The following GATA4 variants were observed in gnomAD, a reference collection of about 807,000 sequenced individuals.
GATA4 encodes the protein GATA binding protein 4.
GATA4 carries 7 observed loss-of-function variants against 37.9 expected under a neutral mutation model. The observed-to-expected ratio is 0.18, with a 90% confidence interval of 0.11 to 0.35. The LOEUF (loss-of-function observed/expected upper bound fraction) is 0.35. Ranked by LOEUF, GATA4 falls within the 10% of genes least tolerant of loss-of-function variation. GATA4 has a pLI of 1.00. For synonymous variants in GATA4, 372 were observed against 292.6 expected (o/e 1.27, Z -2.77); for missense variants, 647 against 653.0 (o/e 0.99, Z 0.10).
chr8:11,730,506 G>A (rs1343462693), intron 2 of GATA4, among the ~76,000 whole-genome samples: 6 of 152,198 alleles, frequency 3.9e-5, no homozygotes, highest in African/African-American at 4.8e-5. Context: ...TATTTGTACT[G>A]TTCTGGTCAG....
intron 1 of GATA4, among the ~76,000 whole-genome samples, chr8:11,680,348 G>A (rs1798917360): frequency 6.6e-6 from 1 of 152,236 alleles, no homozygotes; most frequent in South Asian, 2.1e-4. Flanking sequence ...CCTGGAGCCG[G>A]GGAATCTCTG....
intron 4 of GATA4, among the ~76,000 whole-genome samples, chr8:11,753,313 A>T (rs1417166847): frequency 1.3e-5 from 2 of 152,160 alleles, no homozygotes; most frequent in African/African-American, 4.8e-5. Flanking sequence ...GGCTAGGGAA[A>T]GGGGGAATGA....
chr8:11,736,163 A>G (rs1227203678), intron 2 of GATA4, among the ~76,000 whole-genome samples: 1 of 151,786 alleles, frequency 6.6e-6, no homozygotes, highest in Non-Finnish European at 1.5e-5. Flanking sequence ...CTCCGACCTC[A>G]CAAAGGGCTG....
At chr8:11,751,977 C>T (rs1393485336) in intron 4 of GATA4, among the ~76,000 whole-genome samples, 2 of 152,138 alleles carry the variant, frequency 1.3e-5, no homozygotes, top group Non-Finnish European at 2.9e-5. Flanking sequence ...TACATGATGA[C>T]CTTTGAACCA....
intron 4 of GATA4, 24 bp from the exon 5 acceptor site, chr8:11,755,022 A>G (rs368329519): frequency 8.2e-6 from 13 of 1,584,446 alleles, no homozygotes; most frequent in South Asian, 4.4e-5. Context: ...GGAAAACCCT[A>G]TATATTTACT....
intron 2 of GATA4, among the ~76,000 whole-genome samples, chr8:11,716,483 A>G (rs559776824): frequency 1.3e-5 from 2 of 152,346 alleles, no homozygotes; most frequent in Non-Finnish European, 2.9e-5. Context: ...GATCAAAACC[A>G]TCCTCAGTGG....
At chr8:11,705,431 A>G (rs985217127) in intron 1 of GATA4, among the ~76,000 whole-genome samples, 1 of 152,180 alleles carries the variant, frequency 6.6e-6, no homozygotes, top group African/African-American at 2.4e-5. Context: ...CTATAAAGGG[A>G]CGGGGACTTT....
chr8:11,732,866 AT>A (rs1184560066), intron 2 of GATA4, among the ~76,000 whole-genome samples: 1 of 152,220 alleles, frequency 6.6e-6, no homozygotes, highest in Non-Finnish European at 1.5e-5. Context: ...ACTGCCGAAT[AT>A]AATATAAATC....
intron 2 of GATA4, among the ~76,000 whole-genome samples, chr8:11,718,928 T>A (rs1800549816): frequency 1.3e-5 from 2 of 152,316 alleles, no homozygotes; most frequent in South Asian, 4.1e-4. Flanking sequence ...ATTGACCCAT[T>A]CCGAGCAGGT....
Position 11,751,227 on chromosome 8 carries a change from C to G in GATA4, c.912+991C>G, listed in dbSNP as rs150229320. Among the ~76,000 whole-genome samples, 732 of 152,280 alleles carry G rather than the reference C, an allele frequency of 4.8e-3. 7 individuals carry two copies. Among genetic ancestry groups the G allele is most frequent in the African/African-American group, 0.017 (710 of 41,548 alleles). On this transcript the variant is annotated intron_variant, in intron 4 of 6. Transcript: ENST00000532059. ...TTTCCAGAATTACAAGGAGCTTCTA[C>G]AAAGCTCTTTAATTTTTATTGGAAC...
intron 1 of GATA4, chr8:11,683,197 A>C (rs1799031037): frequency 1.1e-6 from 1 of 897,270 alleles, no homozygotes; most frequent in Non-Finnish European, 1.3e-6. Context: ...GGAACAATCC[A>C]TTAGACCTCA....
chr8:11,758,171 C>T (rs746393535), intron 6 of GATA4, 122 bp from the exon 7 acceptor site: 1 of 920,600 alleles, frequency 1.1e-6, no homozygotes, highest in Non-Finnish European at 1.8e-6. Context: ...CTCCTTGGTC[C>T]CTTCCTGAGG....
chr8:11,708,056 C>G lies in GATA4; in HGVS notation c.-257C>G. 2 of 559,726 alleles carry G rather than the reference C, an allele frequency of 3.6e-6. No individual in the cohort carries two copies. The highest frequency in any genetic ancestry group is 6.5e-6 in the Non-Finnish European group (2 of 306,394). 34.7% of individuals were successfully genotyped at this position (559,726 alleles called of 1,614,324 possible). A position where few individuals can be genotyped will look rare whatever the true frequency, so the allele number is the denominator to read the frequency against. On this transcript the variant is annotated 5_prime_UTR_variant, in exon 2 of 7. Coordinates refer to ENST00000532059, the MANE Select transcript of GATA4 (RefSeq NM_001308093.3). This position sits in a 1 kb window ranked among gnomAD's most constrained non-coding sequence, Gnocchi z 6.7. The stretch of plus-strand genomic sequence containing the variant: ...GGCCCTGGGGTGAATTCAGCTGCTC[C>G]TACATCAGCTTCCGGAACCACCAAA...
chr8:11,677,812 G>C (rs1351931936), intron 1 of GATA4, among the ~76,000 whole-genome samples: 1 of 151,934 alleles, frequency 6.6e-6, no homozygotes, highest in Non-Finnish European at 1.5e-5. Context: ...GGAGGCGTGG[G>C]GGTGGGTTTT....
At chr8:11,693,079 A>G in intron 1 of GATA4, 3 of 984,924 alleles carry the variant, frequency 3.0e-6, no homozygotes, top group Non-Finnish European at 3.6e-6. Context: ...TCTACCCGGC[A>G]ACAAATACAT....
rs1332187943 is a variant in GATA4 at position 11,707,552 on chromosome 8, T to G, written c.-457-304T>G. 6.6e-6 allele frequency among the ~76,000 whole-genome samples: 1 copy of G among 152,038 alleles called. No individual in the cohort carries two copies. The highest frequency in any genetic ancestry group is 1.5e-5 in the Non-Finnish European group (1 of 68,012). ...CTTGCAGAATAAGGTAACATTAAAGTCCTTCCTGACAAGCAATACAAAAAT... is the reference window on the plus strand; with the variant it reads ...CTTGCAGAATAAGGTAACATTAAAGGCCTTCCTGACAAGCAATACAAAAAT... On this transcript the variant is annotated intron_variant, in intron 1 of 6. Transcript: ENST00000532059. This position sits in a 1 kb window ranked among gnomAD's most constrained non-coding sequence, Gnocchi z 4.7.
intron 2 of GATA4, among the ~76,000 whole-genome samples, chr8:11,738,217 A>G (rs920727900): frequency 6.6e-6 from 1 of 152,058 alleles, no homozygotes; most frequent in Non-Finnish European, 1.5e-5. Context: ...ACAAATAAGA[A>G]ATACATTAAC....
Position 11,750,124 on chromosome 8 carries a change from G to A in GATA4, c.800G>A (p.Arg267Gln), listed in dbSNP as rs1305097777. 5 of 1,613,984 alleles carry A rather than the reference G, an allele frequency of 3.1e-6. No individual in the cohort carries two copies. The highest frequency in any genetic ancestry group is 4.2e-6 in the Non-Finnish European group (5 of 1,180,050). The change falls in exon 4 of 7, where the codon CGA becomes CAA. Residue 267 changes from arginine (R) to glutamine (Q), a missense_variant. By Grantham distance (43) the Arg-to-Gln change is conservative (BLOSUM62 1). This residue lies in a region of GATA4 where 56 missense variants were observed against 64.5 expected (regional missense o/e 0.87). Transcript: ENST00000532059. ...KPQRRLSASR[R>Q]VGLSCANCQT... ...CCTGTCTTGCAGTCCGCCTCCCGCC[G>A]AGTGGGCCTCTCCTGTGCCAACTGC...
At chr8:11,726,731 G>C (rs538671626) in intron 2 of GATA4, among the ~76,000 whole-genome samples, 84 of 152,262 alleles carry the variant, frequency 5.5e-4, no homozygotes, top group African/African-American at 1.9e-3. Context: ...GAAGTGGATA[G>C]GCGTGTGCCC....
Sources: gnomAD v4.1 joint callset for allele counts (sites outside exome capture counted in the v4.1 genomes callset) on GRCh38, gnomAD v4.1.1 for gene constraint, gnomAD v4.1.1 regional missense constraint, Gnocchi (gnomAD v3.1) non-coding constraint, MANE v1.5 for transcripts, NCBI Gene and HGNC (gene_info 2026-07-23, HGNC 2026-07-21) for gene names.